Variants in FOXP3 observed in about 807,000 individuals in gnomAD.
FOXP3 encodes forkhead box P3, also known as forkhead box protein P3.
FOXP3 carries 5 observed loss-of-function variants against 31.2 expected under a neutral mutation model. The ratio of observed to expected loss-of-function variants is 0.16; its 90% CI spans 0.08 to 0.34. FOXP3 has a LOEUF of 0.34. FOXP3 is among the 10% of genes least tolerant of loss of function. The pLI is 1.00. For synonymous variants in FOXP3, 141 were observed against 148.8 expected (o/e 0.95, Z 0.38); for missense variants, 251 against 363.0 (o/e 0.69, Z 2.51).
At chrX:49,257,142 T>A in intron 4 of FOXP3, 130 bp from the exon 5 acceptor site, 1 of 595,249 alleles carries the variant, frequency 1.7e-6, no homozygotes, top group Non-Finnish European at 2.6e-6. Flanking sequence ...GGCTCTGCTG[T>A]CCCCAAAGTC....
Position 49,251,776 on chromosome X carries a change from G to C in FOXP3, c.1045-11C>G, listed in dbSNP as rs74162068. 3.2e-4 allele frequency: 385 copies of C among 1,197,421 alleles called. No homozygotes were observed. The highest frequency in any genetic ancestry group is 4.1e-4 in the Non-Finnish European group (370 of 894,455). On this transcript the variant is annotated splice_polypyrimidine_tract_variant and intron_variant, in intron 10 of 11. Transcript: ENST00000376207. ...AGCCTCCAGGATGGCCTGGAAGTTGGGGGGTGGGGTAAGGGGCACATTCCC... is the reference window on the plus strand; with the variant it reads ...AGCCTCCAGGATGGCCTGGAAGTTGCGGGGTGGGGTAAGGGGCACATTCCC...
Position 49,250,538 on chromosome X carries a change from G to C in FOXP3, c.*796C>G. ...CCTCTGCAGTCTAAGCTGAGGCATG[G>C]ATCAGGGCTCAGGGAATGGGAGTGA... On this transcript the variant is annotated 3_prime_UTR_variant, in exon 12 of 12. Transcript: ENST00000376207. The C allele has an allele frequency of 2.3e-6, 1 of 443,887 alleles. No individual in the cohort carries two copies. The highest frequency in any genetic ancestry group is 4.1e-6 in the Non-Finnish European group (1 of 243,005). 36.6% of individuals were successfully genotyped at this position (443,887 alleles called of 1,213,427 possible).
At chrX:49,264,071 G>A (rs192042044) in intron 1 of FOXP3, among the ~76,000 whole-genome samples, 5 of 111,751 alleles carry the variant, frequency 4.5e-5, no homozygotes, top group African/African-American at 1.3e-4. Flanking sequence ...GGTGGGGGAA[G>A]GCAAGAAAAG....
chrX:49,262,224 C>T (rs1451282359), intron 1 of FOXP3, among the ~76,000 whole-genome samples: 1 of 112,297 alleles, frequency 8.9e-6, no homozygotes, highest in Non-Finnish European at 1.9e-5. Flanking sequence ...CTGAAATAAT[C>T]AAGAATAAAG....
chrX:49,263,829 G>C (rs1244593343), intron 1 of FOXP3, among the ~76,000 whole-genome samples: 1 of 110,735 alleles, frequency 9.0e-6, no homozygotes, highest in Non-Finnish European at 1.9e-5. Context: ...AACTACGGTT[G>C]ACAATGGTGT....
chrX:49,259,155 T>A, intron 1 of FOXP3: 1 of 524,934 alleles, frequency 1.9e-6, no homozygotes, highest in Admixed American at 2.6e-5. Context: ...TTGGATGTAG[T>A]GGGCAAGAGG....
In FOXP3 at chrX:49,258,354, C is replaced by T. The variant is rs1170772176; in HGVS notation, c.152G>A (p.Arg51Gln). ...PGGTFQGRDL[R>Q]GGAHASSSSL... ...AGAAGAGGAGGCATGGGCCCCGCCT[C>T]GAAGATCTCGGCCCTGGAAGGTTCC... is the stretch of plus-strand genomic sequence containing the variant. Residue 51 changes from arginine (R) to glutamine (Q), a missense_variant, in exon 2 of 12, where the codon CGA (arginine) becomes CAA (glutamine). By Grantham distance (43) the Arg-to-Gln change is conservative. This residue lies in a region of FOXP3 where 152 missense variants were observed against 188.1 expected (regional missense o/e 0.81). Transcript: ENST00000376207. 5.1e-6 allele frequency: 6 copies of T among 1,165,763 alleles called. No homozygotes were observed. The African/African-American group carries it at 7.2e-5, about 14-fold the overall frequency.
intron 6 of FOXP3, among the ~76,000 whole-genome samples, chrX:49,256,241 AGAGAGAGAGAGAGAGAGAGAGAGAG>A (rs2066071568): frequency 2.6e-5 from 1 of 38,555 alleles, no homozygotes; most frequent in Admixed American, 2.8e-4. Context: ...AGAGAGAGAG[AGAGAGAGAGAGAGAGAGAGAGAGAG>A]AGAGAGAGAC....
At chrX:49,256,232 G>A (rs1450259169) in intron 6 of FOXP3, among the ~76,000 whole-genome samples, 3 of 26,234 alleles carry the variant, frequency 1.1e-4, no homozygotes, top group African/African-American at 2.4e-4. Context: ...GAGAGAGAGA[G>A]AGAGAGAGAG....
In FOXP3 at chrX:49,258,436, G is replaced by A. The variant is rs1557116742; in HGVS notation, c.70C>T (p.Pro24Ser). ...GCTTTGGGTGCAGCCCTCCAGCTGG[G>A]CGAGGCTCCTGGGGATGGGCCAAGG... ...LALGPSPGAS[P>S]SWRAAPKASD... The change falls in exon 2 of 12, where the codon CCC becomes TCC. Residue 24 changes from proline to serine, a missense_variant. Around this residue, in one of 4 missense-constraint regions of FOXP3, gnomAD observed 152 missense variants for 188.1 expected, o/e 0.81. Transcript: ENST00000376207. 28 of 1,185,707 alleles carry A rather than the reference G, an allele frequency of 2.4e-5. No homozygotes were observed. Among genetic ancestry groups the A allele is most frequent in the Non-Finnish European group, 3.1e-5 (27 of 882,117 alleles).
chrX:49,253,100 C>T (rs1557115782), intron 10 of FOXP3, 26 bp downstream of exon 10: 3 of 1,195,875 alleles, frequency 2.5e-6, no homozygotes, highest in Non-Finnish European at 3.4e-6. Context: ...TCTTCCTCCT[C>T]CTTGGGGCCG....
intron 1 of FOXP3, among the ~76,000 whole-genome samples, chrX:49,261,759 G>A (rs1180243272): frequency 3.6e-5 from 4 of 112,088 alleles, no homozygotes; most frequent in South Asian, 3.7e-4. Flanking sequence ...CCCCCTTCTG[G>A]GTGCTGAGGG....
chrX:49,255,381 G>GC (rs1557116130), intron 8 of FOXP3, 48 bp downstream of exon 8: 1 of 1,122,214 alleles, frequency 8.9e-7, no homozygotes. Flanking sequence ...CCTCCTCCCT[G>GC]CCCCCCAGCA....
rs977920377 is a variant in FOXP3, at chrX:49,257,569, G to C, written c.316-4C>G. The C allele has an allele frequency of 8.4e-7, 1 of 1,193,482 alleles. No homozygotes were observed. Among genetic ancestry groups the C allele is most frequent in the Non-Finnish European group, 1.1e-6 (1 of 884,044 alleles). ...CGTGGGCATCCACCGTTGAGAGCTG[G>C]GGGGCACATGTGGGCTGTGGTTCAG... On this transcript the variant is annotated splice_region_variant and splice_polypyrimidine_tract_variant and intron_variant, in intron 3 of 11. Coordinates refer to ENST00000376207, the MANE Select transcript of FOXP3 (RefSeq NM_014009.4).
Position 49,264,086 on chromosome X carries a change from C to T in FOXP3, c.-23+575G>A, listed in dbSNP as rs11465465. Among the ~76,000 whole-genome samples, 7,832 of 110,770 alleles carry T rather than the reference C, an allele frequency of 0.071. 694 individuals carry two copies. The highest frequency in any genetic ancestry group is 0.24 in the African/African-American group (7,416 of 30,274). ...GGTGGGGGAAGGCAAGAAAAGAGAG[C>T]GGGAGAGATGGAGGAAAGGAGATCG... On this transcript the variant is annotated intron_variant, in intron 1 of 11. Coordinates refer to ENST00000376207, the MANE Select transcript of FOXP3 (RefSeq NM_014009.4).
chrX:49,256,220 AAGAGAGAGAGAGAGAG>A (rs782303757), intron 6 of FOXP3, among the ~76,000 whole-genome samples: 2,565 of 66,976 alleles, frequency 0.038, 54 homozygotes, highest in African/African-American at 0.075. Flanking sequence ...GAGAGAGAGA[AAGAGAGAGAGAGAGAG>A]AGAGAGAGAG....
intron 11 of FOXP3, 89 bp from the exon 12 acceptor site, chrX:49,251,572 A>G (rs781848518): frequency 1.1e-4 from 130 of 1,207,493 alleles, no homozygotes; most frequent in Non-Finnish European, 1.3e-4. Flanking sequence ...TTCCTCCCCA[A>G]TGTGCCTATG....
At chrX:49,256,364 G>A (rs1487061388) in intron 6 of FOXP3, among the ~76,000 whole-genome samples, 1 of 110,027 alleles carries the variant, frequency 9.1e-6, no homozygotes, top group Non-Finnish European at 1.9e-5. Context: ...ATGTTGGCAT[G>A]AGGAGTAGCA....
intron 6 of FOXP3, 90 bp from the exon 7 acceptor site, chrX:49,255,892 G>T: frequency 1.2e-6 from 1 of 812,268 alleles, no homozygotes; most frequent in East Asian, 3.4e-5. Context: ...CCCTCTGGGA[G>T]TTCTCTCCTC....
Sources: gnomAD v4.1 joint callset for allele counts (sites outside exome capture counted in the v4.1 genomes callset) on GRCh38, gnomAD v4.1.1 for gene constraint, gnomAD v4.1.1 regional missense constraint, MANE v1.5 for transcripts, NCBI Gene and HGNC (gene_info 2026-07-23, HGNC 2026-07-21) for gene names.